GALNT18: variants seen among roughly 807,000 people sequenced by gnomAD.
The protein encoded by GALNT18 is polypeptide N-acetylgalactosaminyltransferase 18, also known as GalNAc-transferase 18.
A neutral mutation model predicts 69.5 loss-of-function variants in GALNT18; 44 were observed. That is an observed-to-expected ratio of 0.63 (90% CI 0.50 to 0.81). The LOEUF (loss-of-function observed/expected upper bound fraction) is 0.81, where lower values mean the gene tolerates loss of function less well. Among genes scored for constraint, GALNT18 ranks in the 40% least tolerant of loss-of-function variants. The pLI, the probability that GALNT18 is intolerant of heterozygous loss-of-function variation, is 0.00. For synonymous variants in GALNT18, 364 were observed against 318.2 expected, an observed-to-expected ratio of 1.14 and a Z score of -1.53; for missense variants, 715 against 810.0, an observed-to-expected ratio of 0.88 and a Z score of 1.42.
At chr11:11,451,786 G>A (rs1008843027) in intron 1 of GALNT18, among the ~76,000 whole-genome samples, 3 of 152,150 alleles carry the variant, frequency 2.0e-5, no homozygotes, top group African/African-American at 7.2e-5. Flanking sequence ...ATAGTGGTTA[G>A]ACAAGATGAA....
chr11:11,449,342 C>T (rs1855739547), intron 1 of GALNT18, among the ~76,000 whole-genome samples: 1 of 152,204 alleles, frequency 6.6e-6, no homozygotes, highest in African/African-American at 2.4e-5. Flanking sequence ...CCAAGCCCAC[C>T]CCACATTGAG....
Position 11,619,598 on chromosome 11 carries a change from A to AAC in GALNT18, c.235+1759_235+1760dup, listed in dbSNP as rs139561409. On this transcript the variant is annotated intron_variant, in intron 1 of 10. Transcript: ENST00000227756. The surrounding 1 kb of genome is among the most constrained non-coding windows in gnomAD (Gnocchi z 4.9). ...AAGCACAAGAGAATCATTTTCCAGG[A>AAC]ACACACACACACACAGAATCTGTGA... Among the ~76,000 whole-genome samples the AAC allele has an allele frequency of 1.1e-4, 17 of 151,688 alleles. No homozygotes were observed. Among genetic ancestry groups the AAC allele is most frequent in the African/African-American group, 2.9e-4 (12 of 41,382 alleles).
chr11:11,442,527 T>G (rs1855552718), intron 2 of GALNT18, among the ~76,000 whole-genome samples: 1 of 152,142 alleles, frequency 6.6e-6, no homozygotes, highest in Non-Finnish European at 1.5e-5. Context: ...AAAACAATCT[T>G]GCCCACCGAA....
intron 1 of GALNT18, among the ~76,000 whole-genome samples, chr11:11,547,468 G>A (rs1313323583): frequency 6.6e-6 from 1 of 152,228 alleles, no homozygotes; most frequent in East Asian, 1.9e-4. Flanking sequence ...TCAGCCTCTG[G>A]CAATGCCCAT....
rs1345698674 is a variant in GALNT18 at position 11,454,612 on chromosome 11, G to A, written c.236-5676C>T. ...CTCTTCCCAGAAACCCAGGCACAAA[G>A]GGCAATGAGGTGGGAAGACCCAGAG... On this transcript the variant is annotated intron_variant, in intron 1 of 10. Transcript: ENST00000227756. The surrounding 1 kb of genome is among the most constrained non-coding windows in gnomAD (Gnocchi z 4.2). Among the ~76,000 whole-genome samples the A allele has an allele frequency of 2.0e-5, 3 of 152,026 alleles. No individual in the cohort carries two copies. Among genetic ancestry groups the A allele is most frequent in the Non-Finnish European group, 4.4e-5 (3 of 68,004 alleles).
chr11:11,351,090 G>GT, intron 6 of GALNT18, among the ~76,000 whole-genome samples: 1 of 152,330 alleles, frequency 6.6e-6, no homozygotes, highest in African/African-American at 2.4e-5. Context: ...GACAGATGGA[G>GT]TGTCTGGAAG....
At chr11:11,319,268 A>G (rs1261686793) in intron 9 of GALNT18, among the ~76,000 whole-genome samples, 1 of 152,238 alleles carries the variant, frequency 6.6e-6, no homozygotes, top group African/African-American at 2.4e-5. Context: ...CCAAGTCATG[A>G]AGCTCAAATG....
At chr11:11,321,237 C>G (rs1849834337) in intron 9 of GALNT18, among the ~76,000 whole-genome samples, 2 of 152,160 alleles carry the variant, frequency 1.3e-5, no homozygotes, top group Admixed American at 1.3e-4. Flanking sequence ...AATACAGGCT[C>G]AGATGAAACT....
intron 1 of GALNT18, among the ~76,000 whole-genome samples, chr11:11,462,559 C>G (rs1203030039): frequency 6.6e-6 from 1 of 152,164 alleles, no homozygotes; most frequent in Non-Finnish European, 1.5e-5. Context: ...TCCCAAAGTG[C>G]TGGGATTTCA....
At chr11:11,426,730 G>A (rs1449403234) in intron 3 of GALNT18, among the ~76,000 whole-genome samples, 1 of 152,138 alleles carries the variant, frequency 6.6e-6, no homozygotes, top group Non-Finnish European at 1.5e-5. Flanking sequence ...GTGACAGGGA[G>A]GAGTGCTGCC....
At chr11:11,522,281 G>T (rs2133929915) in intron 1 of GALNT18, among the ~76,000 whole-genome samples, 1 of 152,282 alleles carries the variant, frequency 6.6e-6, no homozygotes, top group East Asian at 1.9e-4. Flanking sequence ...CTGAGAGACG[G>T]CTGCCCAAAC....
chr11:11,371,922 G>A (rs1324626775), intron 6 of GALNT18, among the ~76,000 whole-genome samples: 1 of 152,172 alleles, frequency 6.6e-6, no homozygotes, highest in African/African-American at 2.4e-5. Flanking sequence ...TGAGCTGATT[G>A]CTGGAAAAAA....
At chr11:11,479,880 T>C (rs544709845) in intron 1 of GALNT18, among the ~76,000 whole-genome samples, 2 of 152,248 alleles carry the variant, frequency 1.3e-5, no homozygotes, top group East Asian at 3.9e-4. Flanking sequence ...TCATTTAAAA[T>C]AGCTATGCTC....
In GALNT18 at chr11:11,461,456, T is replaced by C. The variant is rs138876322; in HGVS notation, c.236-12520A>G. On this transcript the variant is annotated intron_variant, in intron 1 of 10. Transcript: ENST00000227756. This position sits in a 1 kb window ranked among gnomAD's most constrained non-coding sequence, Gnocchi z 4.1. ...GTGACAAATGTCTGTATCTTAGGAA[T>C]CAGAATTTATATGTGCCATTACTTG... Among the ~76,000 whole-genome samples the C allele has an allele frequency of 4.6e-3, 694 of 152,304 alleles. 6 individuals carry two copies. Among genetic ancestry groups the C allele is most frequent in the African/African-American group, 0.016 (645 of 41,566 alleles).
intron 9 of GALNT18, among the ~76,000 whole-genome samples, chr11:11,294,710 G>A (rs1849365672): frequency 1.3e-5 from 2 of 152,076 alleles, no homozygotes; most frequent in African/African-American, 2.4e-5. Flanking sequence ...CTGGTCTAGG[G>A]GAAAGCCACG....
intron 3 of GALNT18, among the ~76,000 whole-genome samples, chr11:11,394,631 T>C (rs775692072): frequency 1.3e-5 from 2 of 152,174 alleles, no homozygotes; most frequent in Non-Finnish European, 2.9e-5. Context: ...TCCCCCCAAA[T>C]AACACAAGTC....
At chr11:11,457,691 T>G (rs1310370556) in intron 1 of GALNT18, among the ~76,000 whole-genome samples, 1 of 152,186 alleles carries the variant, frequency 6.6e-6, no homozygotes, top group Non-Finnish European at 1.5e-5. Context: ...CTGCTTCTTG[T>G]CCCTCGGTTT....
At chr11:11,380,531 A>G (rs1005536182) in intron 3 of GALNT18, among the ~76,000 whole-genome samples, 1 of 152,240 alleles carries the variant, frequency 6.6e-6, no homozygotes, top group Admixed American at 6.5e-5. Flanking sequence ...TCTAGAATCT[A>G]TGCTCCTATT....
Position 11,436,679 on chromosome 11 carries a change from A to G in GALNT18, c.429-3892T>C, listed in dbSNP as rs1855410582. On this transcript the variant is annotated intron_variant, in intron 2 of 10. Coordinates refer to ENST00000227756, the MANE Select transcript of GALNT18 (RefSeq NM_198516.3). The surrounding 1 kb of genome is among the most constrained non-coding windows in gnomAD (Gnocchi z 4.5). ...ATCTTCACCTCAACACTGAAGCAGA[A>G]TGTACATTGCTGAAGGGCAGGGGCA... Among the ~76,000 whole-genome samples, 1 of 152,236 alleles carries G rather than the reference A, an allele frequency of 6.6e-6. No individual in the cohort carries two copies.
Sources: gnomAD v4.1 joint callset for allele counts (sites outside exome capture counted in the v4.1 genomes callset) on GRCh38, gnomAD v4.1.1 for gene constraint, Gnocchi (gnomAD v3.1) non-coding constraint, MANE v1.5 for transcripts, NCBI Gene and HGNC (gene_info 2026-07-23, HGNC 2026-07-21) for gene names.